MAPK6: variants seen among roughly 807,000 people sequenced by gnomAD.
The protein encoded by MAPK6 is ERK-3.
Under a neutral mutation model 59.3 loss-of-function variants are expected in MAPK6, and 19 were observed. The observed-to-expected ratio is 0.32, with a 90% CI of 0.22 to 0.47. MAPK6 has a LOEUF of 0.47. Among genes scored for constraint, MAPK6 ranks in the 20% least tolerant of loss-of-function variants. The pLI, the probability that MAPK6 is intolerant of heterozygous loss-of-function variation, is 1.00. For synonymous variants in MAPK6, 316 were observed against 290.3 expected (o/e 1.09, Z -0.90); for missense variants, 724 against 847.9 (o/e 0.85, Z 1.81).
At chr15:52,052,957 A>T (rs1030970433) in intron 3 of MAPK6, among the ~76,000 whole-genome samples, 1 of 152,100 alleles carries the variant, frequency 6.6e-6, no homozygotes. Context: ...TTTGAAGAAC[A>T]GTTTCCCAGC....
chr15:51,984,684 T>C (rs970405897), intron 2 of MAPK6, among the ~76,000 whole-genome samples: 1 of 150,730 alleles, frequency 6.6e-6, no homozygotes, highest in Non-Finnish European at 1.5e-5. Context: ...CAACCAGTTC[T>C]CCGGGGGGGA....
chr15:52,045,533 A>G lies in MAPK6; in HGVS notation c.-631-297A>G, dbSNP rs2031569077. 2.6e-5 allele frequency among the ~76,000 whole-genome samples: 4 copies of G among 152,204 alleles called. No individual in the cohort carries two copies. In the South Asian group the frequency reaches 8.3e-4, roughly 31 times the overall value. ...CCCCTCACAAAACTCAAGTTCTATA[A>G]AAATATTATGAACCTTCCCATACTT... On this transcript the variant is annotated intron_variant, in intron 1 of 5. Transcript: ENST00000261845.
At chr15:52,050,774 G>A (rs1197652032) in intron 3 of MAPK6, among the ~76,000 whole-genome samples, 1 of 152,178 alleles carries the variant, frequency 6.6e-6, no homozygotes, top group African/African-American at 2.4e-5. Context: ...TTTAATTGGG[G>A]AAGAGAGAAA....
intron 3 of MAPK6, chr15:52,004,488 C>T (rs2057251818): frequency 6.6e-6 from 1 of 152,184 alleles, no homozygotes. Flanking sequence ...CACTGGCCCT[C>T]TCAGCTACAC....
At chr15:51,996,846 CTG>C (rs2057225872) in intron 2 of MAPK6, among the ~76,000 whole-genome samples, 8 of 152,062 alleles carry the variant, frequency 5.3e-5, no homozygotes, top group African/African-American at 1.9e-4. Flanking sequence ...GTATGTGCCA[CTG>C]CACCCAACTA....
intron 2 of MAPK6, among the ~76,000 whole-genome samples, chr15:51,999,076 G>A (rs7162115): frequency 5.0e-4 from 74 of 149,426 alleles, no homozygotes; most frequent in African/African-American, 1.8e-3. Context: ...GCTCACTGCC[G>A]CCTCCACCTC....
At chr15:52,019,561 G>A (rs1185071575) in intron 1 of MAPK6, among the ~76,000 whole-genome samples, 185 bp downstream of exon 1, 1 of 146,176 alleles carries the variant, frequency 6.8e-6, no homozygotes, top group Non-Finnish European at 1.5e-5. Context: ...CCCGCCCCCT[G>A]CTCGCCCGCC....
intron 2 of MAPK6, among the ~76,000 whole-genome samples, chr15:52,049,351 ATTTTTTTT>A (rs60965378): frequency 1.4e-4 from 15 of 109,726 alleles, no homozygotes; most frequent in Admixed American, 3.9e-4. Context: ...GAGTTATATA[ATTTTTTTT>A]TTTTTTTTTT....
chr15:52,055,132 G>GTGTGGTGGCTAATACAT (rs2031926047), intron 3 of MAPK6, among the ~76,000 whole-genome samples: 1 of 152,200 alleles, frequency 6.6e-6, no homozygotes, highest in Non-Finnish European at 1.5e-5. Flanking sequence ...AACAAGCCAG[G>GTGTGGTGGCTAATACAT]TGTGGTGGCT....
intron 3 of MAPK6, 141 bp from the exon 4 acceptor site, chr15:52,058,492 C>T: frequency 1.6e-6 from 1 of 623,076 alleles, no homozygotes; most frequent in Non-Finnish European, 2.6e-6. Flanking sequence ...TGGTGATAGT[C>T]AAAGCAATGA....
At chr15:51,998,995 T>TG (rs1374015964) in intron 2 of MAPK6, among the ~76,000 whole-genome samples, 1 of 145,866 alleles carries the variant, frequency 6.9e-6, no homozygotes, top group African/African-American at 2.5e-5. Flanking sequence ...CGGCCTTTTT[T>TG]TTTTGTTTTT....
rs59010103 is a variant in MAPK6 at position 51,991,840 on chromosome 15, G to A, written c.-770+8525G>A. Among the ~76,000 whole-genome samples, 3 of 152,370 alleles carry A rather than the reference G, an allele frequency of 2.0e-5. No homozygotes were observed. The East Asian group carries it at 5.8e-4, about 29-fold the overall frequency. On this transcript the variant is annotated intron_variant, in intron 2 of 7. Transcript: ENST00000691380. ...TTGGAGAACAGCTTGGAGCACATTT[G>A]AGGATAAGTGAATAATCCATTCTTA...
intron 1 of MAPK6, among the ~76,000 whole-genome samples, chr15:51,981,702 C>A (rs1008661410): frequency 6.6e-6 from 1 of 152,088 alleles, no homozygotes; most frequent in Non-Finnish European, 1.5e-5. Flanking sequence ...CTAAAAAGAC[C>A]TTTGCAGCAG....
chr15:52,043,742 A>ATTTTTTTTGTTTTT (rs2031505213), intron 1 of MAPK6, among the ~76,000 whole-genome samples: 1 of 40,630 alleles, frequency 2.5e-5, no homozygotes, highest in Non-Finnish European at 4.4e-5. Flanking sequence ...AAGTTGTTTG[A>ATTTTTTTTGTTTTT]TTTTTTTTTT....
chr15:52,046,294 G>T lies in MAPK6; in HGVS notation c.-167G>T, dbSNP rs1192086422. 5.1e-6 allele frequency: 3 copies of T among 583,334 alleles called. No individual in the cohort carries two copies. Among genetic ancestry groups the T allele is most frequent in the Non-Finnish European group, 9.0e-6 (3 of 332,956 alleles). 36.1% of individuals were successfully genotyped at this position (583,334 alleles called of 1,614,324 possible). A position where few individuals can be genotyped will look rare whatever the true frequency, so the allele number is the denominator to read the frequency against. On this transcript the variant is annotated 5_prime_UTR_variant, in exon 2 of 6. Transcript: ENST00000261845. ...TGAGCTTTAAATCTAAGGGGAACTCGACAGGCCTGTTTGGCATATGCAATG... is the reference window on the plus strand; with the variant it reads ...TGAGCTTTAAATCTAAGGGGAACTCTACAGGCCTGTTTGGCATATGCAATG...
Position 52,046,395 on chromosome 15 carries a change from G to A in MAPK6, c.-66G>A. 1 of 1,165,860 alleles carries A rather than the reference G, an allele frequency of 8.6e-7. No homozygotes were observed. Among genetic ancestry groups the A allele is most frequent in the Non-Finnish European group, 1.2e-6 (1 of 816,304 alleles). The allele number at this position is 1,165,860 out of a possible 1,614,324, so 72.2% of individuals were successfully genotyped here. A position where few individuals can be genotyped will look rare whatever the true frequency, so the allele number is the denominator to read the frequency against. ...TTTTTGAAAGATCTTTCCTTTTGAT[G>A]CCAGTTTTCTTCCTTGTTTACACAA... On this transcript the variant is annotated 5_prime_UTR_variant, in exon 2 of 6. It removes an upstream start codon present in the reference 5' UTR. Transcript: ENST00000261845.
chr15:52,008,947 A>G (rs1030676688), intron 3 of MAPK6, among the ~76,000 whole-genome samples: 18 of 152,340 alleles, frequency 1.2e-4, no homozygotes, highest in African/African-American at 4.1e-4. Flanking sequence ...GGTAGTAATT[A>G]TCAAGTGGTA....
intron 3 of MAPK6, among the ~76,000 whole-genome samples, chr15:52,056,062 ATTAATTAGGTAT>A (rs1160288203): frequency 1.3e-5 from 2 of 152,224 alleles, no homozygotes; most frequent in East Asian, 3.8e-4. Flanking sequence ...CTGAGTGGTT[ATTAATTAGGTAT>A]AAGTTGCAAA....
intron 3 of MAPK6, among the ~76,000 whole-genome samples, chr15:52,010,676 G>A (rs192780144): frequency 6.6e-6 from 1 of 152,070 alleles, no homozygotes; most frequent in East Asian, 1.9e-4. Flanking sequence ...ACATCACCAG[G>A]CCAGGCTAAT....
Sources: gnomAD v4.1 joint callset for allele counts (sites outside exome capture counted in the v4.1 genomes callset) on GRCh38, gnomAD v4.1.1 for gene constraint, MANE v1.5 for transcripts, NCBI Gene and HGNC (gene_info 2026-07-23, HGNC 2026-07-21) for gene names.